The following PAPPA variants were observed in gnomAD, a reference collection of about 807,000 sequenced individuals.
PAPPA encodes pappalysin 1.
In PAPPA, 60 loss-of-function variants were observed where a neutral mutation model predicts 164.0. The ratio of observed to expected loss-of-function variants is 0.37; its 90% CI spans 0.30 to 0.45. The LOEUF (loss-of-function observed/expected upper bound fraction) is 0.45, where lower values mean the gene tolerates loss of function less well. Among genes scored for constraint, PAPPA ranks in the 20% least tolerant of loss-of-function variants. The pLI is 1.00. For synonymous variants in PAPPA, 875 were observed against 814.1 expected, an observed-to-expected ratio of 1.07 and a Z score of -1.27; for missense variants, 1,782 against 2,087.3, an observed-to-expected ratio of 0.85 and a Z score of 2.85.
At chr9:116,265,478 C>T (rs1845056266) in intron 7 of PAPPA, among the ~76,000 whole-genome samples, 1 of 152,132 alleles carries the variant, frequency 6.6e-6, no homozygotes, top group African/African-American at 2.4e-5. Context: ...GGTGCTTTCC[C>T]ACCTCTGTGC....
chr9:116,246,297 C>T lies in PAPPA; in HGVS notation c.2732+10660C>T, dbSNP rs116846238. On this transcript the variant is annotated intron_variant, in intron 7 of 21. Coordinates refer to ENST00000328252, the MANE Select transcript of PAPPA (RefSeq NM_002581.5). Reference sequence around the variant, plus strand: ...ATAAACTATGTAACGGGCCCACATACACCCAGCTGGTAAAATAATGGGTTT... The same window carrying T: ...ATAAACTATGTAACGGGCCCACATATACCCAGCTGGTAAAATAATGGGTTT... 7.4e-3 allele frequency among the ~76,000 whole-genome samples: 1,127 copies of T among 152,298 alleles called. 41 individuals are homozygous for T. In the East Asian group the frequency reaches 0.11, roughly 14 times the overall value.
chr9:116,171,389 A>T (rs765758389), intron 1 of PAPPA, among the ~76,000 whole-genome samples: 37 of 152,166 alleles, frequency 2.4e-4, no homozygotes, highest in Non-Finnish European at 4.9e-4. Flanking sequence ...CTTGTAAAAC[A>T]AGCATTTTCA....
intron 9 of PAPPA, among the ~76,000 whole-genome samples, chr9:116,278,828 A>G (rs1303674247): frequency 6.6e-6 from 1 of 152,238 alleles, no homozygotes; most frequent in African/African-American, 2.4e-5. Context: ...GGACGTAATT[A>G]TAACACCTAT....
intron 10 of PAPPA, among the ~76,000 whole-genome samples, chr9:116,326,736 A>T: frequency 6.6e-6 from 1 of 152,164 alleles, no homozygotes; most frequent in East Asian, 1.9e-4. Context: ...GTCACTAATC[A>T]CTTTTCCCTT....
intron 2 of PAPPA, among the ~76,000 whole-genome samples, chr9:116,206,414 A>G (rs1844236377): frequency 6.6e-6 from 1 of 152,178 alleles, no homozygotes; most frequent in Admixed American, 6.5e-5. Context: ...TGATCTGTGG[A>G]GCATCAGGCA....
intron 7 of PAPPA, among the ~76,000 whole-genome samples, chr9:116,260,653 A>T (rs918908404): frequency 2.0e-5 from 3 of 152,206 alleles, no homozygotes; most frequent in African/African-American, 7.2e-5. Context: ...AGCTCAAGAC[A>T]TAAGGATACA....
At chr9:116,249,976 T>A (rs1208731367) in intron 7 of PAPPA, among the ~76,000 whole-genome samples, 1 of 151,888 alleles carries the variant, frequency 6.6e-6, no homozygotes. Flanking sequence ...TATGCATGTG[T>A]GTGTGTGCAT....
intron 19 of PAPPA, among the ~76,000 whole-genome samples, chr9:116,368,721 G>A (rs1846533878): frequency 6.6e-6 from 1 of 152,206 alleles, no homozygotes; most frequent in African/African-American, 2.4e-5. Context: ...CGGGGTGGGC[G>A]AGGTTCAGCT....
chr9:116,180,698 A>G (rs1843894800), intron 1 of PAPPA, among the ~76,000 whole-genome samples: 1 of 152,184 alleles, frequency 6.6e-6, no homozygotes, highest in Non-Finnish European at 1.5e-5. Flanking sequence ...GCCCCCAGAC[A>G]GTGATGGCAG....
intron 12 of PAPPA, chr9:116,332,671 T>C (rs1190689699): frequency 2.0e-6 from 1 of 500,764 alleles, no homozygotes; most frequent in African/African-American, 1.9e-5. Context: ...GATACAGGGA[T>C]AAGGGGCCAA....
chr9:116,395,301 G>T (rs1431210506), intron 21 of PAPPA, among the ~76,000 whole-genome samples: 1 of 152,080 alleles, frequency 6.6e-6, no homozygotes, highest in Non-Finnish European at 1.5e-5. Flanking sequence ...GAGGGAAAGA[G>T]GTCAAAGAGG....
intron 9 of PAPPA, among the ~76,000 whole-genome samples, chr9:116,299,623 A>G (rs1267980052): frequency 2.0e-5 from 3 of 152,162 alleles, no homozygotes; most frequent in East Asian, 1.9e-4. Context: ...AGGCACCCCT[A>G]TGATCTTATT....
rs145657872 is a variant in PAPPA at position 116,323,402 on chromosome 9, C to T, written c.3148-7842C>T. 9.8e-3 allele frequency among the ~76,000 whole-genome samples: 1,486 copies of T among 152,268 alleles called. 9 individuals carry two copies. Among genetic ancestry groups the T allele is most frequent in the Non-Finnish European group, 0.016 (1,065 of 68,024 alleles). Reference sequence around the variant, plus strand: ...TCAAGCCGGTCTCTTCTCCCTCCACCGGGCTATGTTTCTCCATCCATCAAA... The same window carrying T: ...TCAAGCCGGTCTCTTCTCCCTCCACTGGGCTATGTTTCTCCATCCATCAAA... On this transcript the variant is annotated intron_variant, in intron 10 of 21. Transcript: ENST00000328252.
chr9:116,366,980 C>T (rs1474110741), intron 18 of PAPPA, among the ~76,000 whole-genome samples: 1 of 152,172 alleles, frequency 6.6e-6, no homozygotes, highest in Non-Finnish European at 1.5e-5. Context: ...GCTCATCATT[C>T]ACTCGGCCAG....
At chr9:116,185,305 G>A (rs552405895) in intron 1 of PAPPA, among the ~76,000 whole-genome samples, 1 of 152,332 alleles carries the variant, frequency 6.6e-6, no homozygotes, top group East Asian at 1.9e-4. Context: ...AAATGGCTGA[G>A]CAGGAAGTAG....
intron 19 of PAPPA, among the ~76,000 whole-genome samples, chr9:116,375,921 G>A (rs935348987): frequency 3.3e-5 from 5 of 151,966 alleles, no homozygotes; most frequent in African/African-American, 1.2e-4. Flanking sequence ...ATCTAAGCAT[G>A]TACCATTTTA....
At chr9:116,225,586 T>C (rs987328905) in intron 5 of PAPPA, among the ~76,000 whole-genome samples, 8 of 152,242 alleles carry the variant, frequency 5.3e-5, no homozygotes, top group Admixed American at 1.3e-4. Context: ...ATAATATTTA[T>C]AAATATTTCT....
intron 1 of PAPPA, among the ~76,000 whole-genome samples, chr9:116,185,917 T>G (rs1438937833): frequency 2.6e-5 from 4 of 152,256 alleles, no homozygotes; most frequent in African/African-American, 7.2e-5. Flanking sequence ...GGGGAGCTGC[T>G]ATAGAATTAG....
At chr9:116,387,855 C>T (rs546168314) in intron 21 of PAPPA, among the ~76,000 whole-genome samples, 7 of 152,318 alleles carry the variant, frequency 4.6e-5, no homozygotes, top group African/African-American at 7.2e-5. Context: ...CTTGCCCAAG[C>T]GTCTTGTCCT....
Sources: gnomAD v4.1 joint callset for allele counts (sites outside exome capture counted in the v4.1 genomes callset) on GRCh38, gnomAD v4.1.1 for gene constraint, MANE v1.5 for transcripts, NCBI Gene and HGNC (gene_info 2026-07-23, HGNC 2026-07-21) for gene names.